Variants in TM2D1 observed in about 807,000 individuals in gnomAD.
TM2D1 encodes TM2 domain containing 1.
TM2D1 carries 15 observed loss-of-function variants against 28.4 expected under a neutral mutation model. That is an observed-to-expected ratio of 0.53 (90% confidence interval 0.35 to 0.81). The LOEUF (loss-of-function observed/expected upper bound fraction) is 0.81. Among genes scored for constraint, TM2D1 ranks in the 40% least tolerant of loss-of-function variants. TM2D1 has a pLI of 0.01. For missense variants in TM2D1, 236 were observed against 254.9 expected (o/e 0.93, Z 0.50); for synonymous variants, 93 against 96.2 (o/e 0.97, Z 0.20).
At chr1:61,724,833 A>G (rs1233507082) in intron 1 of TM2D1, 124 bp downstream of exon 1, 8 of 1,091,650 alleles carry the variant, frequency 7.3e-6, no homozygotes, top group African/African-American at 1.6e-5. Flanking sequence ...TTCAGTCATT[A>G]GAAGCCACAG....
At chr1:61,707,878 G>C (rs534853371) in intron 3 of TM2D1, among the ~76,000 whole-genome samples, 2 of 151,930 alleles carry the variant, frequency 1.3e-5, no homozygotes, top group South Asian at 4.2e-4. Context: ...CTTATTTCTT[G>C]AAACAACCAA....
Position 61,701,161 on chromosome 1 carries a change from ACTATTCTAGG to A in TM2D1, c.348-146_348-137del, listed in dbSNP as rs1644397814. 9 of 645,748 alleles carry A rather than the reference ACTATTCTAGG, an allele frequency of 1.4e-5. No homozygotes were observed. The South Asian group carries it at 1.8e-4, about 13-fold the overall frequency. 40.0% of individuals were successfully genotyped at this position (645,748 alleles called of 1,614,324 possible). On this transcript the variant is annotated intron_variant, in intron 3 of 6. Transcript: ENST00000606498. ...TTTAGATGCCTCCTGTGTGTCAGGC[ACTATTCTAGG>A]CTATTGGAATATATTAATGAATAAA... is the stretch of plus-strand genomic sequence containing the variant.
At chr1:61,700,570 T>C (rs902625108) in intron 4 of TM2D1, among the ~76,000 whole-genome samples, 1 of 152,114 alleles carries the variant, frequency 6.6e-6, no homozygotes, top group African/African-American at 2.4e-5. Flanking sequence ...TGAAAGAGAT[T>C]TGGGCAGAAG....
At chr1:61,688,821 G>A (rs1557525827) in intron 5 of TM2D1, among the ~76,000 whole-genome samples, 2 of 125,644 alleles carry the variant, frequency 1.6e-5, no homozygotes, top group Non-Finnish European at 3.6e-5. Context: ...GAGCCAGGCA[G>A]ACCAACTGAG....
chr1:61,702,023 C>CT (rs1387144766), intron 3 of TM2D1, among the ~76,000 whole-genome samples: 1 of 151,918 alleles, frequency 6.6e-6, no homozygotes, highest in African/African-American at 2.4e-5. Flanking sequence ...AACACAGTCT[C>CT]TACTAAAAAT....
At chr1:61,723,956 T>A (rs1307446157) in intron 1 of TM2D1, among the ~76,000 whole-genome samples, 170 bp from the exon 2 acceptor site, 1 of 152,156 alleles carries the variant, frequency 6.6e-6, no homozygotes, top group Non-Finnish European at 1.5e-5. Context: ...TGCTAAGTAA[T>A]ACTTGAGGCA....
At position 61,683,524 on chromosome 1, in the gene TM2D1, C is replaced by A; in HGVS notation, c.536G>T (p.Ser179Ile). 1 of 1,527,990 alleles carries A rather than the reference C, an allele frequency of 6.5e-7. No individual in the cohort carries two copies. The highest frequency in any genetic ancestry group is 8.8e-7 in the Non-Finnish European group (1 of 1,136,160). 94.7% of individuals were successfully genotyped at this position (1,527,990 alleles called of 1,614,324 possible). A position where few individuals can be genotyped will look rare whatever the true frequency, so the allele number is the denominator to read the frequency against. Reference protein sequence around the residue: ...SMQIVGPSDGSSYIIDYYGTR... With the variant: ...SMQIVGPSDGISYIIDYYGTR... ...TCCATAGTAATCTATAATGTAACTA[C>A]TTCCATCTGAAGGTCCAACAATCTA... is the stretch of plus-strand genomic sequence containing the variant. Residue 179 changes from serine (S) to isoleucine (I), a missense_variant, in exon 6 of 7, where the codon AGT becomes ATT. Around this residue, in one of 3 missense-constraint regions of TM2D1, gnomAD observed 64 missense variants for 73.1 expected, o/e 0.88. Transcript: ENST00000606498.
intron 5 of TM2D1, among the ~76,000 whole-genome samples, chr1:61,689,504 G>T (rs1557526154): frequency 6.6e-6 from 1 of 152,022 alleles, no homozygotes. Flanking sequence ...TGAGCAGTTG[G>T]AACTACAGGC....
chr1:61,683,181 T>C, intron 6 of TM2D1: 1 of 197,092 alleles, frequency 5.1e-6, no homozygotes. Flanking sequence ...GATGTTACTT[T>C]TTTCTTGTGA....
At chr1:61,691,270 C>T (rs1570098081) in intron 5 of TM2D1, among the ~76,000 whole-genome samples, 1 of 152,044 alleles carries the variant, frequency 6.6e-6, no homozygotes, top group South Asian at 2.1e-4. Flanking sequence ...CAAAGGCGGG[C>T]GGATCACCTG....
chr1:61,691,932 A>AAAAAAAAATAT, intron 5 of TM2D1, among the ~76,000 whole-genome samples: 14 of 76,398 alleles, frequency 1.8e-4, no homozygotes, highest in African/African-American at 4.7e-4. Context: ...AAAAAAAAAA[A>AAAAAAAAATAT]ATATATATAT....
intron 2 of TM2D1, among the ~76,000 whole-genome samples, chr1:61,721,200 T>C (rs889246661): frequency 2.0e-5 from 3 of 151,522 alleles, no homozygotes; most frequent in Non-Finnish European, 4.4e-5. Flanking sequence ...CACTGCAGTC[T>C]AGCCTGGGTG....
rs150117457 is a variant in TM2D1, at chr1:61,694,549, G to A, written c.513+148C>T. 570 of 479,546 alleles carry A rather than the reference G, an allele frequency of 1.2e-3. 1 individual carries two copies. Among genetic ancestry groups the A allele is most frequent in the Middle Eastern group, 9.8e-3 (18 of 1,844 alleles). 29.7% of individuals were successfully genotyped at this position (479,546 alleles called of 1,614,324 possible). A position where few individuals can be genotyped will look rare whatever the true frequency, so the allele number is the denominator to read the frequency against. On this transcript the variant is annotated intron_variant, in intron 5 of 6. Coordinates refer to ENST00000606498, the MANE Select transcript of TM2D1 (RefSeq NM_032027.3). ...GAAATGCTAGTTGGAAACATGACCA[G>A]GATTCCTTAGATCTAGTACATGAAG...
At position 61,699,765 on chromosome 1, in the gene TM2D1, C is replaced by T. The variant is rs551894264; in HGVS notation, c.439+1169G>A. 5 of 153,742 alleles carry T rather than the reference C, an allele frequency of 3.3e-5. No individual in the cohort carries two copies. In the East Asian group the frequency reaches 9.5e-4, roughly 29 times the overall value. 9.5% of individuals were successfully genotyped at this position (153,742 alleles called of 1,614,324 possible). A position where few individuals can be genotyped will look rare whatever the true frequency, so the allele number is the denominator to read the frequency against. ...ACTAACATATTTATTTTATTTTTAA[C>T]CAATATACACTGTGACCTTCATCAT... is the stretch of plus-strand genomic sequence containing the variant. On this transcript the variant is annotated intron_variant, in intron 4 of 6. Coordinates refer to ENST00000606498, the MANE Select transcript of TM2D1 (RefSeq NM_032027.3).
At chr1:61,683,968 T>C (rs1644266211) in intron 5 of TM2D1, 1 of 156,380 alleles carries the variant, frequency 6.4e-6, no homozygotes, top group African/African-American at 2.4e-5. Flanking sequence ...AAGACTTTTA[T>C]CGATCTGCTT....
chr1:61,722,956 G>C (rs994892493), intron 2 of TM2D1, among the ~76,000 whole-genome samples: 1 of 152,152 alleles, frequency 6.6e-6, no homozygotes, highest in Admixed American at 6.5e-5. Flanking sequence ...CGCCTAGAGG[G>C]TTGTTTTGTA....
At chr1:61,686,493 CA>C (rs556342728) in intron 5 of TM2D1, among the ~76,000 whole-genome samples, 85 of 136,524 alleles carry the variant, frequency 6.2e-4, no homozygotes, top group Middle Eastern at 3.6e-3. Context: ...CCAGTATCTA[CA>C]AAAAAAAAAA....
chr1:61,724,696 C>T (rs536923648), intron 1 of TM2D1, among the ~76,000 whole-genome samples: 2 of 152,056 alleles, frequency 1.3e-5, no homozygotes, highest in Admixed American at 1.3e-4. Context: ...AGTAAGCACA[C>T]TGATAAAAAA....
chr1:61,717,513 C>T (rs1302708252), intron 2 of TM2D1, among the ~76,000 whole-genome samples: 1 of 152,172 alleles, frequency 6.6e-6, no homozygotes, highest in East Asian at 1.9e-4. Flanking sequence ...TAGATAATAT[C>T]AATTCCAGCC....
Sources: allele counts gnomAD v4.1 joint callset (sites outside exome capture counted in the v4.1 genomes callset), GRCh38; gene constraint gnomAD v4.1.1; regional missense constraint gnomAD v4.1.1; transcripts MANE v1.5; gene names NCBI Gene and HGNC (gene_info 2026-07-23, HGNC 2026-07-21).